Variants in SAMMSON observed in about 807,000 individuals in gnomAD.
SAMMSON encodes the protein survival associated mitochondrial melanoma specific oncogenic non-coding RNA.
chr3:70,091,490 T>A (rs143400154), intron 4 of SAMMSON, among the ~76,000 whole-genome samples: 1 of 152,196 alleles, frequency 6.6e-6, no homozygotes. Context: ...TTATGGCACA[T>A]TGATAATTCG....
intron 4 of SAMMSON, among the ~76,000 whole-genome samples, chr3:70,128,769 C>A (rs1316871273): frequency 6.6e-6 from 1 of 152,096 alleles, no homozygotes; most frequent in Non-Finnish European, 1.5e-5. Flanking sequence ...CAATTAGGAG[C>A]AAGATAAGAA....
chr3:70,100,603 G>A (rs1242733158), intron 4 of SAMMSON, among the ~76,000 whole-genome samples: 1 of 151,122 alleles, frequency 6.6e-6, no homozygotes, highest in Admixed American at 6.6e-5. Flanking sequence ...TCTTTCCCAA[G>A]AATCTTTTCC....
chr3:70,328,924 A>C (rs569605683), intron 7 of SAMMSON, among the ~76,000 whole-genome samples: 1 of 152,342 alleles, frequency 6.6e-6, no homozygotes, highest in South Asian at 2.1e-4. Context: ...AAGTAACTTG[A>C]GAGAAAATGA....
intron 2 of SAMMSON, among the ~76,000 whole-genome samples, chr3:70,409,384 T>A (rs1196729802): frequency 6.6e-6 from 1 of 151,950 alleles, no homozygotes; most frequent in Non-Finnish European, 1.5e-5. Context: ...ATAGAAAAAC[T>A]TATCACACAA....
intron 7 of SAMMSON, among the ~76,000 whole-genome samples, chr3:70,316,469 AG>A (rs1302871835): frequency 1.3e-5 from 2 of 152,136 alleles, no homozygotes; most frequent in Non-Finnish European, 2.9e-5. Flanking sequence ...TGATATAAGA[AG>A]GTGTACTACT....
At chr3:70,011,662 C>G (rs2066956478) in intron 1 of SAMMSON, among the ~76,000 whole-genome samples, 1 of 149,278 alleles carries the variant, frequency 6.7e-6, no homozygotes, top group Non-Finnish European at 1.5e-5. Flanking sequence ...TGTCTGAAAA[C>G]TGTGGGTATT....
At chr3:70,306,492 C>A (rs1271738503) in intron 7 of SAMMSON, among the ~76,000 whole-genome samples, 1 of 152,174 alleles carries the variant, frequency 6.6e-6, no homozygotes, top group Admixed American at 6.6e-5. Flanking sequence ...TTCAAAATAA[C>A]TACAGAACTC....
intron 4 of SAMMSON, among the ~76,000 whole-genome samples, chr3:70,137,332 T>C (rs141612834): frequency 1.9e-3 from 295 of 152,350 alleles, no homozygotes; most frequent in African/African-American, 6.7e-3. Context: ...CTATGACTTA[T>C]GGGCCAAATT....
At chr3:70,360,242 G>A (rs538255490) in intron 9 of SAMMSON, among the ~76,000 whole-genome samples, 137 of 152,168 alleles carry the variant, frequency 9.0e-4, no homozygotes, top group Non-Finnish European at 1.5e-3. Context: ...GCCTCATATG[G>A]ATTAAAACAT....
chr3:70,355,462 A>G (rs1003061022), intron 8 of SAMMSON, among the ~76,000 whole-genome samples: 2 of 152,184 alleles, frequency 1.3e-5, no homozygotes, highest in Non-Finnish European at 2.9e-5. Context: ...ACAGGGTGTT[A>G]TTTTTAAAAA....
At chr3:70,252,370 A>G (rs1010669641) in intron 6 of SAMMSON, among the ~76,000 whole-genome samples, 3 of 152,190 alleles carry the variant, frequency 2.0e-5, no homozygotes, top group African/African-American at 4.8e-5. Flanking sequence ...GCTTCAGTGT[A>G]TGACTTTTTT....
rs7431772 is a variant in SAMMSON, at chr3:70,300,298, T to G, written n.739+9055T>G. Among the ~76,000 whole-genome samples the G allele has an allele frequency of 3.3e-5, 5 of 152,144 alleles. No homozygotes were observed. In the East Asian group the frequency reaches 7.7e-4, roughly 23 times the overall value. On this transcript the variant is annotated intron_variant and non_coding_transcript_variant, in intron 7 of 9. Coordinates refer to ENST00000642114, the Ensembl canonical transcript of SAMMSON. Reference sequence around the variant, plus strand: ...TTTCTCCTTTATTTAAATCTATTGATTTATAGATAAACTTTCCTTACCTAC... The same window carrying G: ...TTTCTCCTTTATTTAAATCTATTGAGTTATAGATAAACTTTCCTTACCTAC...
intron 4 of SAMMSON, among the ~76,000 whole-genome samples, chr3:70,235,287 G>C (rs995179726): frequency 5.9e-5 from 9 of 151,986 alleles, no homozygotes; most frequent in African/African-American, 2.2e-4. Context: ...TGCATTCTTA[G>C]GTGTACTAGA....
At chr3:70,411,591 C>A (rs575356554) in intron 2 of SAMMSON, among the ~76,000 whole-genome samples, 2 of 152,134 alleles carry the variant, frequency 1.3e-5, no homozygotes, top group South Asian at 4.1e-4. Context: ...CTCCCATGAT[C>A]CCTATGTGTT....
intron 9 of SAMMSON, among the ~76,000 whole-genome samples, chr3:70,370,030 A>T (rs1702953716): frequency 6.6e-6 from 1 of 151,856 alleles, no homozygotes; most frequent in South Asian, 2.1e-4. Context: ...TCCGTAAGAT[A>T]AACTTTTCTA....
At chr3:70,196,888 G>A (rs1292166289) in intron 4 of SAMMSON, 2 of 398,252 alleles carry the variant, frequency 5.0e-6, no homozygotes, top group African/African-American at 4.1e-5. Context: ...TTCCCACCGT[G>A]GCCAAAAGGA....
At chr3:70,115,718 T>C (rs1272996184) in intron 4 of SAMMSON, among the ~76,000 whole-genome samples, 1 of 152,178 alleles carries the variant, frequency 6.6e-6, no homozygotes, top group African/African-American at 2.4e-5. Context: ...GACATAGGAA[T>C]TTATTCCCTT....
At chr3:70,159,038 CCAGT>C (rs1405190527) in intron 4 of SAMMSON, among the ~76,000 whole-genome samples, 3 of 151,944 alleles carry the variant, frequency 2.0e-5, no homozygotes, top group South Asian at 2.1e-4. Flanking sequence ...AAAAAATTGA[CCAGT>C]CATTTTACAT....
At chr3:70,243,996 C>T (rs1212880171) in intron 4 of SAMMSON, among the ~76,000 whole-genome samples, 1 of 152,140 alleles carries the variant, frequency 6.6e-6, no homozygotes, top group African/African-American at 2.4e-5. Flanking sequence ...CCCTGTGATG[C>T]CTTTCATCTC....
Sources: gnomAD v4.1 joint callset for allele counts (sites outside exome capture counted in the v4.1 genomes callset) on GRCh38, gnomAD v4.1.1 for gene constraint, MANE v1.5 for transcripts, NCBI Gene and HGNC (gene_info 2026-07-23, HGNC 2026-07-21) for gene names.